Variants in SIPA1L1 observed in about 807,000 individuals in gnomAD.
SIPA1L1 encodes the protein signal induced proliferation associated 1 like 1.
Under a neutral mutation model 162.7 loss-of-function variants are expected in SIPA1L1, and 26 were observed. The ratio of observed to expected loss-of-function variants is 0.16; its 90% CI spans 0.12 to 0.22. The LOEUF (loss-of-function observed/expected upper bound fraction) is 0.22, where lower values mean the gene tolerates loss of function less well. Ranked by LOEUF, SIPA1L1 falls within the 10% of genes least tolerant of loss-of-function variation. SIPA1L1 has a pLI of 1.00. For synonymous variants in SIPA1L1, 829 were observed against 837.4 expected (o/e 0.99, Z 0.17); for missense variants, 1,874 against 2,241.0 (o/e 0.84, Z 3.31).
At chr14:71,556,556 TG>T (rs145925152) in intron 4 of SIPA1L1, among the ~76,000 whole-genome samples, 2,468 of 152,366 alleles carry the variant, frequency 0.016, 41 homozygotes, top group South Asian at 0.059. Flanking sequence ...ATTAATTTGC[TG>T]GAGCAGCTTA....
At chr14:71,334,812 A>G (rs953870782) in intron 2 of SIPA1L1, among the ~76,000 whole-genome samples, 2 of 152,134 alleles carry the variant, frequency 1.3e-5, no homozygotes, top group Non-Finnish European at 2.9e-5. Context: ...GGTGAAATAC[A>G]TTAAGTATGT....
chr14:71,333,750 G>C (rs577302366), intron 2 of SIPA1L1, among the ~76,000 whole-genome samples: 62 of 152,278 alleles, frequency 4.1e-4, no homozygotes, highest in African/African-American at 1.4e-3. Context: ...TTGTACAAAG[G>C]GTTTTGGTCT....
chr14:71,577,169 A>C (rs2033177793), intron 4 of SIPA1L1, among the ~76,000 whole-genome samples: 1 of 152,132 alleles, frequency 6.6e-6, no homozygotes. Flanking sequence ...ATTTTTAAAA[A>C]GTTAAAGTTA....
intron 5 of SIPA1L1, among the ~76,000 whole-genome samples, chr14:71,606,774 A>G (rs918359372): frequency 2.6e-5 from 4 of 152,132 alleles, no homozygotes; most frequent in African/African-American, 7.2e-5. Flanking sequence ...GACAATGATT[A>G]TTGTACTGTA....
At chr14:71,702,213 A>G in intron 14 of SIPA1L1, 168 bp from the exon 15 acceptor site, 1 of 646,650 alleles carries the variant, frequency 1.5e-6, no homozygotes, top group Non-Finnish European at 2.7e-6. Flanking sequence ...CAACATACAC[A>G]TTTCCACACC....
chr14:71,520,988 A>C (rs922704733), intron 3 of SIPA1L1, among the ~76,000 whole-genome samples: 1 of 152,174 alleles, frequency 6.6e-6, no homozygotes, highest in Non-Finnish European at 1.5e-5. Context: ...TCCTGGACTC[A>C]TGCAGTCTGC....
chr14:71,587,766 C>T lies in SIPA1L1; in HGVS notation c.-107C>T. The T allele has an allele frequency of 2.0e-6, 2 of 982,748 alleles. No homozygotes were observed. Among genetic ancestry groups the T allele is most frequent in the Non-Finnish European group, 3.0e-6 (2 of 660,638 alleles). 60.9% of individuals were successfully genotyped at this position (982,748 alleles called of 1,614,324 possible). A position where few individuals can be genotyped will look rare whatever the true frequency, so the allele number is the denominator to read the frequency against. On this transcript the variant is annotated 5_prime_UTR_variant, in exon 5 of 24. The change creates a premature stop within an existing upstream ORF in the 5' untranslated region. Coordinates refer to ENST00000381232, the MANE Select transcript of SIPA1L1 (RefSeq NM_001386936.1). Reference sequence around the variant, plus strand: ...AAATGAAAAAGATTAAGATCTCATGCAACTGTTGTATTTTCTGGAAGCCAT... The same window carrying T: ...AAATGAAAAAGATTAAGATCTCATGTAACTGTTGTATTTTCTGGAAGCCAT...
At chr14:71,644,652 T>C (rs2042006366) in intron 7 of SIPA1L1, among the ~76,000 whole-genome samples, 2 of 152,218 alleles carry the variant, frequency 1.3e-5, no homozygotes, top group Non-Finnish European at 2.9e-5. Flanking sequence ...ATAATGAAAA[T>C]ATTCCATTGA....
At chr14:71,531,120 C>T (rs1179157846) in intron 4 of SIPA1L1, among the ~76,000 whole-genome samples, 1 of 152,128 alleles carries the variant, frequency 6.6e-6, no homozygotes, top group Non-Finnish European at 1.5e-5. Context: ...TTCTACACTC[C>T]TGTGCAGGTG....
chr14:71,446,127 G>A (rs1397342032), intron 2 of SIPA1L1, among the ~76,000 whole-genome samples: 1 of 152,122 alleles, frequency 6.6e-6, no homozygotes, highest in Non-Finnish European at 1.5e-5. Context: ...GGGATTACAG[G>A]CATGAGACAC....
At chr14:71,634,770 A>T (rs1002250866) in intron 7 of SIPA1L1, among the ~76,000 whole-genome samples, 2 of 151,564 alleles carry the variant, frequency 1.3e-5, no homozygotes, top group African/African-American at 2.4e-5. Flanking sequence ...CCCCATCTCT[A>T]CTAAAAATAC....
intron 2 of SIPA1L1, among the ~76,000 whole-genome samples, chr14:71,423,870 G>T (rs1433090655): frequency 6.6e-6 from 1 of 152,108 alleles, no homozygotes. Flanking sequence ...GATAGGGATT[G>T]TATTACATCT....
At chr14:71,640,531 C>A (rs1388864735) in intron 7 of SIPA1L1, among the ~76,000 whole-genome samples, 1 of 152,190 alleles carries the variant, frequency 6.6e-6, no homozygotes, top group Admixed American at 6.5e-5. Flanking sequence ...GTGATCAGAT[C>A]AAATCAGAGC....
At chr14:71,356,713 C>T (rs1055320134) in intron 2 of SIPA1L1, among the ~76,000 whole-genome samples, 3 of 152,018 alleles carry the variant, frequency 2.0e-5, no homozygotes, top group African/African-American at 7.3e-5. Flanking sequence ...GAGACCATGT[C>T]TCTACAAAAT....
At chr14:71,463,769 T>G (rs1460830824) in intron 2 of SIPA1L1, among the ~76,000 whole-genome samples, 1 of 152,336 alleles carries the variant, frequency 6.6e-6, no homozygotes, top group East Asian at 1.9e-4. Flanking sequence ...AGAAGTTTTC[T>G]GCTGATATAA....
intron 4 of SIPA1L1, among the ~76,000 whole-genome samples, chr14:71,535,199 T>C (rs904314083): frequency 6.6e-6 from 1 of 152,236 alleles, no homozygotes; most frequent in African/African-American, 2.4e-5. Context: ...CTGGAGATGA[T>C]GACAGCTAGA....
At chr14:71,656,826 A>G (rs892570592) in intron 8 of SIPA1L1, among the ~76,000 whole-genome samples, 14 of 152,216 alleles carry the variant, frequency 9.2e-5, no homozygotes, top group Admixed American at 9.2e-4. Context: ...GAGTTACTGC[A>G]TTAGAGCTAC....
chr14:71,330,369 A>C (rs1271490728), intron 2 of SIPA1L1: 3 of 947,880 alleles, frequency 3.2e-6, no homozygotes, highest in Admixed American at 3.4e-5. Context: ...GGCGATGAAA[A>C]TTGTAGGGAA....
chr14:71,328,266 G>A (rs2034067928), intron 2 of SIPA1L1, among the ~76,000 whole-genome samples: 2 of 152,216 alleles, frequency 1.3e-5, no homozygotes, highest in South Asian at 4.1e-4. Flanking sequence ...TAATCTGGGT[G>A]AGATTGTTCT....
Sources: gnomAD v4.1 joint callset for allele counts (sites outside exome capture counted in the v4.1 genomes callset) on GRCh38, gnomAD v4.1.1 for gene constraint, MANE v1.5 for transcripts, NCBI Gene and HGNC (gene_info 2026-07-23, HGNC 2026-07-21) for gene names.